The following LRP1B variants were observed in gnomAD, a reference collection of about 807,000 sequenced individuals.
LRP1B encodes low-density lipoprotein receptor-related protein 1B.
LRP1B carries 217 observed loss-of-function variants against 556.6 expected under a neutral mutation model. The observed-to-expected ratio is 0.39, with a 90% CI of 0.35 to 0.44. LRP1B has a LOEUF of 0.44. Ranked by LOEUF, LRP1B falls within the 20% of genes least tolerant of loss-of-function variation. The probability of loss-of-function intolerance (pLI) is 1.00; values close to 1 mark genes in which losing one functional copy is unlikely to be tolerated. For missense variants in LRP1B, 5,053 were observed against 5,620.8 expected (o/e 0.90, Z 3.23); for synonymous variants, 2,047 against 1,865.8 (o/e 1.10, Z -2.50).
chr2:141,797,186 T>TATAA (rs1328874775), intron 2 of LRP1B, among the ~76,000 whole-genome samples: 6 of 132,404 alleles, frequency 4.5e-5, no homozygotes, highest in South Asian at 2.4e-4. Flanking sequence ...TATATATATA[T>TATAA]AACTATATAT....
At chr2:140,649,155 G>T (rs1026875369) in intron 41 of LRP1B, among the ~76,000 whole-genome samples, 2 of 152,098 alleles carry the variant, frequency 1.3e-5, no homozygotes, top group African/African-American at 4.8e-5. Context: ...CACTACATAT[G>T]AGATAACATT....
intron 6 of LRP1B, among the ~76,000 whole-genome samples, chr2:141,204,978 G>A (rs1287381174): frequency 6.6e-6 from 1 of 151,972 alleles, no homozygotes; most frequent in Non-Finnish European, 1.5e-5. Flanking sequence ...TTTTAGAAAT[G>A]TATATGAGGC....
chr2:140,278,557 T>TC (rs1311406992), intron 84 of LRP1B, among the ~76,000 whole-genome samples: 2 of 152,006 alleles, frequency 1.3e-5, no homozygotes, highest in African/African-American at 4.8e-5. Context: ...CAATTTTTTT[T>TC]CATAGCATGT....
chr2:141,713,688 T>C (rs1223997952), intron 2 of LRP1B, among the ~76,000 whole-genome samples: 1 of 152,188 alleles, frequency 6.6e-6, no homozygotes, highest in Non-Finnish European at 1.5e-5. Flanking sequence ...AATTGAACAA[T>C]TGAACAGAAT....
chr2:140,708,536 TC>T (rs1686921509), intron 37 of LRP1B, among the ~76,000 whole-genome samples: 1 of 150,806 alleles, frequency 6.6e-6, no homozygotes, highest in Non-Finnish European at 1.5e-5. Flanking sequence ...ATATAATATT[TC>T]ATAGCACATT....
At chr2:141,402,607 C>A (rs1690487478) in intron 3 of LRP1B, among the ~76,000 whole-genome samples, 1 of 151,902 alleles carries the variant, frequency 6.6e-6, no homozygotes. Context: ...AAAGTTGTAT[C>A]TTCATGTATA....
intron 7 of LRP1B, among the ~76,000 whole-genome samples, chr2:141,131,408 T>TATATATATATATATATATATATAC (rs1553464578): frequency 3.1e-4 from 1 of 3,182 alleles, no homozygotes. Flanking sequence ...TGCATAAAGT[T>TATATATATATATATATATATATAC]ATATATATAT....
chr2:140,708,622 C>A (rs1686925782), intron 37 of LRP1B, among the ~76,000 whole-genome samples: 1 of 151,730 alleles, frequency 6.6e-6, no homozygotes, highest in African/African-American at 2.4e-5. Context: ...TGCCCATCCT[C>A]TCACTTAAAC....
chr2:140,951,936 G>A lies in LRP1B; in HGVS notation c.2892C>T (p.Phe964=), dbSNP rs1335480421. ...DQTDEMASCE[F]PTCEPLTQFV... ...ATTGGGTTAGTGGCTCACAAGTTGGGAATTCTGTGAAAGATATAAAAATGT... is the reference window on the plus strand; with the variant it reads ...ATTGGGTTAGTGGCTCACAAGTTGGAAATTCTGTGAAAGATATAAAAATGT... The change falls in exon 19 of 91, where the codon TTC becomes TTT. Residue 964 remains phenylalanine, a synonymous_variant. Coordinates refer to ENST00000389484, the MANE Select transcript of LRP1B (RefSeq NM_018557.3). 4.3e-6 allele frequency: 7 copies of A among 1,610,936 alleles called. No individual in the cohort carries two copies. Among genetic ancestry groups the A allele is most frequent in the African/African-American group, 1.3e-5 (1 of 74,856 alleles).
In LRP1B at chr2:140,503,097, C is replaced by T. The variant is rs977321974; in HGVS notation, c.8528G>A (p.Arg2843Gln). Residue 2843 changes from arginine (R) to glutamine (Q), a missense_variant, in exon 54 of 91, where the codon CGA becomes CAA. By Grantham distance (43) the Arg-to-Gln change is conservative. Transcript: ENST00000389484. ...ACTAAATTCTTCTGTACCACACTGT[C>T]GATATCCTAGAGACGCAGAAAAAAC... ...GSDESPQCGY[R>Q]QCGTEEFSCA... is the part of the protein sequence containing the mutation. 6 of 1,612,742 alleles carry T rather than the reference C, an allele frequency of 3.7e-6. No homozygotes were observed. The highest frequency in any genetic ancestry group is 2.2e-5 in the East Asian group (1 of 44,830).
At chr2:140,397,836 C>T (rs911310356) in intron 66 of LRP1B, among the ~76,000 whole-genome samples, 14 of 152,000 alleles carry the variant, frequency 9.2e-5, no homozygotes, top group Non-Finnish European at 1.3e-4. Context: ...TTCAAAAGAT[C>T]GTTCTTTAGG....
intron 1 of LRP1B, among the ~76,000 whole-genome samples, chr2:141,842,413 A>G (rs1288461353): frequency 1.3e-5 from 2 of 151,902 alleles, no homozygotes; most frequent in Non-Finnish European, 2.9e-5. Flanking sequence ...GACGATTTGA[A>G]CCTTACTTTT....
chr2:142,000,903 T>C (rs1233741279), intron 1 of LRP1B, among the ~76,000 whole-genome samples: 1 of 152,130 alleles, frequency 6.6e-6, no homozygotes, highest in African/African-American at 2.4e-5. Context: ...CCCACCCAAA[T>C]CTCATGTTGA....
chr2:141,260,500 G>A (rs1573724209), intron 3 of LRP1B, among the ~76,000 whole-genome samples: 1 of 152,292 alleles, frequency 6.6e-6, no homozygotes, highest in East Asian at 1.9e-4. Flanking sequence ...TTAGAAGTTG[G>A]CAGTTTCCAA....
chr2:141,920,903 A>G (rs184133424), intron 1 of LRP1B, among the ~76,000 whole-genome samples: 227 of 152,092 alleles, frequency 1.5e-3, no homozygotes, highest in African/African-American at 5.0e-3. Flanking sequence ...TCCTTTTCTA[A>G]GAAAATTTTG....
intron 66 of LRP1B, among the ~76,000 whole-genome samples, chr2:140,398,586 G>C (rs766661194): frequency 2.0e-5 from 3 of 151,954 alleles, no homozygotes; most frequent in Non-Finnish European, 2.9e-5. Flanking sequence ...GAGTGCAATG[G>C]CATGACTATC....
intron 3 of LRP1B, among the ~76,000 whole-genome samples, chr2:141,322,353 G>A (rs186604818): frequency 1.3e-5 from 2 of 152,172 alleles, no homozygotes; most frequent in African/African-American, 2.4e-5. Context: ...TATAAGAGGA[G>A]CAATAGAAAA....
chr2:140,500,977 A>G (rs1440906952), intron 55 of LRP1B, among the ~76,000 whole-genome samples: 1 of 151,964 alleles, frequency 6.6e-6, no homozygotes, highest in Non-Finnish European at 1.5e-5. Context: ...AATTGCTCTT[A>G]TTGAGGTTTT....
chr2:141,485,951 G>A lies in LRP1B; in HGVS notation c.206-5418C>T, dbSNP rs1035005860. Among the ~76,000 whole-genome samples, 11 of 152,254 alleles carry A rather than the reference G, an allele frequency of 7.2e-5. No individual in the cohort carries two copies. In the Middle Eastern group the frequency reaches 0.017, roughly 235 times the overall value. On this transcript the variant is annotated intron_variant, in intron 2 of 90. Coordinates refer to ENST00000389484, the MANE Select transcript of LRP1B (RefSeq NM_018557.3). ...TACCTCTGTAGTGACTGAATCATGA[G>A]GAGTTGGGAGGGACCTGGGACAGGG...
Sources: allele counts gnomAD v4.1 joint callset (sites outside exome capture counted in the v4.1 genomes callset), GRCh38; gene constraint gnomAD v4.1.1; transcripts MANE v1.5; gene names NCBI Gene and HGNC (gene_info 2026-07-23, HGNC 2026-07-21).